Variants in ZNF589 observed in about 807,000 individuals in gnomAD.
ZNF589 encodes zinc finger protein 589.
In ZNF589, 17 loss-of-function variants were observed where a neutral mutation model predicts 13.6. The ratio of observed to expected loss-of-function variants is 1.25; its 90% CI spans 0.86 to 1.88. The LOEUF is 1.88. ZNF589 is among the 40% of genes most tolerant of loss of function. The pLI is 0.00. For synonymous variants in ZNF589, 148 were observed against 161.6 expected (o/e 0.92, Z 0.64); for missense variants, 407 against 434.0 (o/e 0.94, Z 0.55).
In ZNF589 at chr3:48,269,422, A is replaced by G; in HGVS notation, c.*636A>G. The stretch of plus-strand genomic sequence containing the variant: ...CAACTCTCCTCGCACACGAGCAGAC[A>G]CATTCAGGGGAGAAGCCTTATGTGT... On this transcript the variant is annotated 3_prime_UTR_variant, in exon 4 of 4. Transcript: ENST00000354698. 2.1e-6 allele frequency: 1 copy of G among 470,020 alleles called. No homozygotes were observed. Among genetic ancestry groups the G allele is most frequent in the South Asian group, 2.1e-5 (1 of 48,228 alleles). 29.1% of individuals were successfully genotyped at this position (470,020 alleles called of 1,614,324 possible).
rs2033704364 is a variant in ZNF589, at chr3:48,242,037, C to T, written c.43+823C>T. Among the ~76,000 whole-genome samples, 3 of 152,118 alleles carry T rather than the reference C, an allele frequency of 2.0e-5. No individual in the cohort carries two copies. In the South Asian group the frequency reaches 6.2e-4, roughly 31 times the overall value. On this transcript the variant is annotated intron_variant, in intron 1 of 3. Coordinates refer to ENST00000354698, the MANE Select transcript of ZNF589 (RefSeq NM_016089.3). Reference sequence around the variant, plus strand: ...ATATTTGCCAGGCTGGTCTCGAACTCCTGGCCTCAAGCAATCCACCCACCT... The same window carrying T: ...ATATTTGCCAGGCTGGTCTCGAACTTCTGGCCTCAAGCAATCCACCCACCT...
At chr3:48,258,221 C>T (rs906128919) in intron 2 of ZNF589, among the ~76,000 whole-genome samples, 4 of 152,042 alleles carry the variant, frequency 2.6e-5, no homozygotes, top group African/African-American at 9.7e-5. Context: ...TTGTAGTTTT[C>T]AGTGTACAGA....
At chr3:48,249,900 G>A (rs1375855351) in intron 2 of ZNF589, among the ~76,000 whole-genome samples, 1 of 152,132 alleles carries the variant, frequency 6.6e-6, no homozygotes, top group Non-Finnish European at 1.5e-5. Flanking sequence ...GGCCAAGATG[G>A]GCGAATCACC....
intron 1 of ZNF589, among the ~76,000 whole-genome samples, chr3:48,246,438 A>G (rs1396528865): frequency 6.6e-6 from 1 of 152,192 alleles, no homozygotes; most frequent in South Asian, 2.1e-4. Flanking sequence ...TTTGTAAAAT[A>G]AGGAATAACA....
intron 1 of ZNF589, among the ~76,000 whole-genome samples, chr3:48,243,312 A>G (rs1442022684): frequency 6.6e-6 from 1 of 151,458 alleles, no homozygotes; most frequent in African/African-American, 2.4e-5. Context: ...TGAAGTAAAG[A>G]CTATTCTTAG....
intron 1 of ZNF589, among the ~76,000 whole-genome samples, chr3:48,244,020 C>G (rs1231720360): frequency 6.6e-6 from 1 of 152,090 alleles, no homozygotes; most frequent in Non-Finnish European, 1.5e-5. Context: ...GACTTATTTG[C>G]CTCTCTGAAG....
At chr3:48,247,774 A>C in intron 2 of ZNF589, 97 bp downstream of exon 2, 1 of 1,392,932 alleles carries the variant, frequency 7.2e-7, no homozygotes, top group Non-Finnish European at 1.0e-6. Flanking sequence ...AGTGATTAAC[A>C]TTTAAGTGGT....
chr3:48,241,129 G>GT lies in ZNF589; in HGVS notation c.-43_-42insT. 6.2e-7 allele frequency: 1 copy of GT among 1,611,954 alleles called. No homozygotes were observed. The highest frequency in any genetic ancestry group is 8.5e-7 in the Non-Finnish European group (1 of 1,179,062). Reference sequence around the variant, plus strand: ...GCGCATTCTAATCCGTTTCACACACGGTGCTGCTACCTCGTTTGCTTCGTG... The same window carrying GT: ...GCGCATTCTAATCCGTTTCACACACGTGTGCTGCTACCTCGTTTGCTTCGTG... On this transcript the variant is annotated 5_prime_UTR_variant, in exon 1 of 4. Coordinates refer to ENST00000354698, the MANE Select transcript of ZNF589 (RefSeq NM_016089.3).
intron 2 of ZNF589, among the ~76,000 whole-genome samples, chr3:48,250,496 G>C (rs2033825935): frequency 6.7e-6 from 1 of 150,194 alleles, no homozygotes; most frequent in African/African-American, 2.5e-5. Context: ...TTTTGAGACA[G>C]AATCTCCCTC....
intron 2 of ZNF589, among the ~76,000 whole-genome samples, chr3:48,252,534 A>G (rs1203221050): frequency 6.6e-6 from 1 of 151,816 alleles, no homozygotes; most frequent in Non-Finnish European, 1.5e-5. Flanking sequence ...ATCAATTTGA[A>G]ATTGAAAGTC....
intron 2 of ZNF589, among the ~76,000 whole-genome samples, chr3:48,253,525 A>C (rs1455984221): frequency 8.4e-6 from 1 of 119,660 alleles, no homozygotes; most frequent in East Asian, 2.4e-4. Flanking sequence ...TTTGAGACGG[A>C]GTCTCGCTCT....
intron 3 of ZNF589, 120 bp downstream of exon 3, chr3:48,261,059 TTC>T: frequency 8.7e-7 from 1 of 1,147,890 alleles, no homozygotes; most frequent in Admixed American, 2.3e-5. Flanking sequence ...AAAGCATTTC[TTC>T]TCTCGTGGAG....
intron 2 of ZNF589, among the ~76,000 whole-genome samples, chr3:48,258,207 C>T (rs1457181622): frequency 2.0e-5 from 3 of 151,974 alleles, no homozygotes; most frequent in African/African-American, 7.3e-5. Flanking sequence ...TTTCCATTGG[C>T]ATTTTGTAGT....
intron 2 of ZNF589, among the ~76,000 whole-genome samples, chr3:48,258,493 C>T (rs909308993): frequency 6.6e-6 from 1 of 152,138 alleles, no homozygotes; most frequent in Non-Finnish European, 1.5e-5. Flanking sequence ...TCTTCCTTAC[C>T]AGTCTCTGTG....
chr3:48,264,842 A>G (rs1226370807), intron 3 of ZNF589, among the ~76,000 whole-genome samples: 2 of 152,056 alleles, frequency 1.3e-5, no homozygotes, highest in South Asian at 4.1e-4. Context: ...TAAATAAATA[A>G]AATAAAATAA....
At chr3:48,253,181 C>A (rs2033858033) in intron 2 of ZNF589, among the ~76,000 whole-genome samples, 1 of 151,620 alleles carries the variant, frequency 6.6e-6, no homozygotes, top group African/African-American at 2.4e-5. Context: ...TACAGGCGTG[C>A]ACCACTACAC....
intron 2 of ZNF589, 37 bp from the exon 3 acceptor site, chr3:48,260,776 G>A (rs1162764638): frequency 6.2e-7 from 1 of 1,613,324 alleles, no homozygotes; most frequent in Admixed American, 1.7e-5. Flanking sequence ...GAATCTTAAT[G>A]GTGACTTGAT....
At chr3:48,260,764 G>C (rs770441840) in intron 2 of ZNF589, 49 bp from the exon 3 acceptor site, 4 of 1,611,644 alleles carry the variant, frequency 2.5e-6, no homozygotes, top group Non-Finnish European at 3.4e-6. Flanking sequence ...CATTTTCACT[G>C]TGAATCTTAA....
intron 3 of ZNF589, among the ~76,000 whole-genome samples, chr3:48,267,504 C>T (rs917816385): frequency 6.6e-6 from 1 of 151,838 alleles, no homozygotes; most frequent in East Asian, 1.9e-4. Flanking sequence ...TCAAGTGATT[C>T]TCCTGTCTCA....
Sources: gnomAD v4.1 joint callset for allele counts (sites outside exome capture counted in the v4.1 genomes callset) on GRCh38, gnomAD v4.1.1 for gene constraint, MANE v1.5 for transcripts, NCBI Gene and HGNC (gene_info 2026-07-23, HGNC 2026-07-21) for gene names.